HDLBP: variants seen among roughly 807,000 people sequenced by gnomAD.
HDLBP encodes high density lipoprotein binding protein, also known as vigilin.
Under a neutral mutation model 137.3 loss-of-function variants are expected in HDLBP, and 30 were observed. That is an observed-to-expected ratio of 0.22 (90% CI 0.16 to 0.30). The LOEUF is 0.30. HDLBP is among the 10% of genes least tolerant of loss of function. HDLBP has a pLI of 1.00. For synonymous variants in HDLBP, 606 were observed against 596.0 expected, an observed-to-expected ratio of 1.02 and a Z score of -0.24; for missense variants, 1,119 against 1,667.3, an observed-to-expected ratio of 0.67 and a Z score of 5.73.
chr2:241,254,909 A>C, intron 9 of HDLBP, 142 bp downstream of exon 9: 1 of 700,086 alleles, frequency 1.4e-6, no homozygotes, highest in Non-Finnish European at 2.6e-6. Context: ...GAAGTTGACC[A>C]TGTCAAACAG....
At chr2:241,267,432 A>T in intron 2 of HDLBP, 1 of 719,060 alleles carries the variant, frequency 1.4e-6, no homozygotes, top group Non-Finnish European at 2.4e-6. Context: ...GGCCACAGAG[A>T]CACAGTCAAC....
rs2071071003 is a variant in HDLBP, at chr2:241,240,242, G to C, written c.2170-120C>G. 4 of 946,160 alleles carry C rather than the reference G, an allele frequency of 4.2e-6. No homozygotes were observed. The highest frequency in any genetic ancestry group is 6.8e-6 in the Non-Finnish European group (4 of 585,686). The allele number at this position is 946,160 out of a possible 1,614,324, so 58.6% of individuals were successfully genotyped here. A position where few individuals can be genotyped will look rare whatever the true frequency, so the allele number is the denominator to read the frequency against. On this transcript the variant is annotated intron_variant, in intron 17 of 27. Coordinates refer to ENST00000310931, the MANE Select transcript of HDLBP (RefSeq NM_005336.6). This position sits in a 1 kb window ranked among gnomAD's most constrained non-coding sequence, Gnocchi z 5.5. ...CCCCTTACATTGTCACCAGTGTCCT[G>C]ATGTTGCACCAATACCCCCAAAATG...
Position 241,228,182 on chromosome 2 carries a change from C to T in HDLBP, c.*1419G>A, listed in dbSNP as rs544244784. The T allele has an allele frequency of 6.6e-6, 1 of 152,392 alleles. No homozygotes were observed. The highest frequency in any genetic ancestry group is 2.4e-5 in the African/African-American group (1 of 41,572). The allele number at this position is 152,392 out of a possible 1,614,324, so 9.4% of individuals were successfully genotyped here. On this transcript the variant is annotated 3_prime_UTR_variant, in exon 28 of 28. Coordinates refer to ENST00000310931, the MANE Select transcript of HDLBP (RefSeq NM_005336.6). ...GATGGATGGGCGTGAGTCAGCTTTTCCAAAACTCAAGTACCTGGGACAGGA... is the reference window on the plus strand; with the variant it reads ...GATGGATGGGCGTGAGTCAGCTTTTTCAAAACTCAAGTACCTGGGACAGGA...
At chr2:241,276,780 A>G (rs1476990722) in intron 1 of HDLBP, among the ~76,000 whole-genome samples, 1 of 152,244 alleles carries the variant, frequency 6.6e-6, no homozygotes, top group African/African-American at 2.4e-5. Flanking sequence ...CATAGCTGCA[A>G]AACATATAAA....
intron 12 of HDLBP, 67 bp from the exon 13 acceptor site, chr2:241,248,415 G>A: frequency 2.4e-6 from 3 of 1,254,998 alleles, no homozygotes; most frequent in Non-Finnish European, 1.2e-6. Flanking sequence ...ACTGACACAA[G>A]GGGACACCAG....
chr2:241,307,053 T>C (rs1415357534), intron 1 of HDLBP, among the ~76,000 whole-genome samples: 2 of 135,300 alleles, frequency 1.5e-5, no homozygotes, highest in Non-Finnish European at 3.1e-5. Context: ...CACCATCCTT[T>C]CATTTTTGTT....
chr2:241,306,992 GAA>G (rs2075603214), intron 1 of HDLBP, among the ~76,000 whole-genome samples: 1 of 127,004 alleles, frequency 7.9e-6, no homozygotes, highest in African/African-American at 2.9e-5. Flanking sequence ...AAAAAACGAG[GAA>G]AAGCCCAAAA....
At chr2:241,243,307 G>A (rs909743862) in intron 16 of HDLBP, among the ~76,000 whole-genome samples, 2 of 152,212 alleles carry the variant, frequency 1.3e-5, no homozygotes, top group Non-Finnish European at 2.9e-5. Context: ...CTCATATACT[G>A]ATACGCGTGA....
chr2:241,260,962 G>T (rs1293145619), intron 5 of HDLBP, among the ~76,000 whole-genome samples: 1 of 152,164 alleles, frequency 6.6e-6, no homozygotes, highest in Non-Finnish European at 1.5e-5. Context: ...AGGCTGAAAT[G>T]AGTGGATCAT....
At chr2:241,294,676 T>G (rs1168310315) in intron 1 of HDLBP, among the ~76,000 whole-genome samples, 1 of 152,158 alleles carries the variant, frequency 6.6e-6, no homozygotes, top group African/African-American at 2.4e-5. Flanking sequence ...CTAGAAAACA[T>G]GTAAAATTTT....
chr2:241,300,463 GCA>G (rs772720992), intron 1 of HDLBP, among the ~76,000 whole-genome samples: 9 of 152,046 alleles, frequency 5.9e-5, no homozygotes, highest in Non-Finnish European at 2.9e-5. Flanking sequence ...ACACACACAT[GCA>G]CACACACACA....
chr2:241,302,067 C>T (rs1377964816), intron 1 of HDLBP, among the ~76,000 whole-genome samples: 2 of 149,834 alleles, frequency 1.3e-5, no homozygotes, highest in Non-Finnish European at 3.0e-5. Context: ...AGAGTGAGAC[C>T]CCCCACAACT....
At chr2:241,266,693 G>A in intron 3 of HDLBP, 101 bp downstream of exon 3, 1 of 824,588 alleles carries the variant, frequency 1.2e-6, no homozygotes, top group South Asian at 1.5e-5. Context: ...ACAACCACAG[G>A]GCCAAAAGGT....
intron 1 of HDLBP, among the ~76,000 whole-genome samples, chr2:241,297,535 T>C (rs978435716): frequency 6.6e-5 from 10 of 152,208 alleles, no homozygotes. Context: ...GTTTTGTATA[T>C]GTATGTATAC....
chr2:241,291,514 G>T (rs1230124595), intron 1 of HDLBP, among the ~76,000 whole-genome samples: 2 of 152,130 alleles, frequency 1.3e-5, no homozygotes, highest in East Asian at 1.9e-4. Context: ...TTCAACTTTG[G>T]AAGCTATTAG....
At chr2:241,248,577 C>A (rs1371807352) in intron 12 of HDLBP, among the ~76,000 whole-genome samples, 1 of 152,134 alleles carries the variant, frequency 6.6e-6, no homozygotes, top group African/African-American at 2.4e-5. Context: ...ATGGGCTGCA[C>A]GTCACTTCCC....
chr2:241,256,511 G>T (rs2072627513), intron 6 of HDLBP, 89 bp downstream of exon 6: 3 of 1,518,952 alleles, frequency 2.0e-6, no homozygotes, highest in South Asian at 2.3e-5. Context: ...ATTATGCCTT[G>T]AAGTCCACAC....
At chr2:241,275,838 G>C (rs1356966019) in intron 1 of HDLBP, among the ~76,000 whole-genome samples, 2 of 152,068 alleles carry the variant, frequency 1.3e-5, no homozygotes. Flanking sequence ...TTTCATTTAA[G>C]AATGAGAATA....
At chr2:241,292,396 A>G (rs2075039489) in intron 1 of HDLBP, among the ~76,000 whole-genome samples, 1 of 152,230 alleles carries the variant, frequency 6.6e-6, no homozygotes, top group Non-Finnish European at 1.5e-5. Context: ...AAGAAGCTGC[A>G]AGCTATAGAT....
Sources: gnomAD v4.1 joint callset for allele counts (sites outside exome capture counted in the v4.1 genomes callset) on GRCh38, gnomAD v4.1.1 for gene constraint, Gnocchi (gnomAD v3.1) non-coding constraint, MANE v1.5 for transcripts, NCBI Gene and HGNC (gene_info 2026-07-23, HGNC 2026-07-21) for gene names.